The following SPRY3 variants were observed in gnomAD, a reference collection of about 807,000 sequenced individuals.
SPRY3 encodes the protein protein sprouty homolog 3.
SPRY3 carries 15 observed loss-of-function variants against 20.2 expected under a neutral mutation model. That is an observed-to-expected ratio of 0.74 (90% CI 0.50 to 1.14). SPRY3 has a LOEUF of 1.14. Ranked by LOEUF, SPRY3 falls within the 50% of genes most tolerant of loss-of-function variation. The pLI, the probability that SPRY3 is intolerant of heterozygous loss-of-function variation, is 0.00. For missense variants in SPRY3, 364 were observed against 363.9 expected (o/e 1.00, Z 0.00); for synonymous variants, 143 against 136.5 (o/e 1.05, Z -0.33).
chrX:155,710,226 G>T (rs961502524), intron 2 of SPRY3, among the ~76,000 whole-genome samples: 5 of 151,648 alleles, frequency 3.3e-5, no homozygotes, highest in African/African-American at 1.2e-4. Context: ...GATACGGATT[G>T]CATTGAATCT....
At chrX:155,621,932 T>C (rs1292265923) in intron 1 of SPRY3, among the ~76,000 whole-genome samples, 2 of 111,808 alleles carry the variant, frequency 1.8e-5, no homozygotes, top group East Asian at 5.7e-4. Context: ...TTCCCTGCCC[T>C]GCTTTTACTA....
intron 2 of SPRY3, among the ~76,000 whole-genome samples, chrX:155,661,725 A>AT (rs1329638987): frequency 1.5e-4 from 17 of 111,165 alleles, no homozygotes; most frequent in Non-Finnish European, 3.0e-4. Context: ...GGCTTTCTTC[A>AT]TTTTTTTAAA....
intron 2 of SPRY3, among the ~76,000 whole-genome samples, chrX:155,696,234 C>CACAT (rs1557356105): frequency 6.0e-5 from 6 of 99,179 alleles, no homozygotes; most frequent in South Asian, 9.1e-4. Context: ...CACACACACA[C>CACAT]ATATATATAT....
chrX:155,679,264 T>C (rs1006439923), intron 2 of SPRY3, among the ~76,000 whole-genome samples: 1 of 111,061 alleles, frequency 9.0e-6, no homozygotes, highest in Non-Finnish European at 1.9e-5. Flanking sequence ...AGAATAAGAC[T>C]GTCAATCTAT....
intron 2 of SPRY3, among the ~76,000 whole-genome samples, chrX:155,758,816 A>G (rs946980636): frequency 2.0e-5 from 3 of 152,338 alleles, no homozygotes; most frequent in Middle Eastern, 3.4e-3. Flanking sequence ...ATATTGGACT[A>G]TCACATAAAG....
At chrX:155,760,376 C>A (rs2091299316) in intron 2 of SPRY3, among the ~76,000 whole-genome samples, 1 of 152,120 alleles carries the variant, frequency 6.6e-6, no homozygotes. Context: ...ATTGGCTTAG[C>A]TTTGGAATTG....
chrX:155,662,271 A>G (rs1404430094), intron 2 of SPRY3, among the ~76,000 whole-genome samples: 1 of 110,064 alleles, frequency 9.1e-6, no homozygotes, highest in Non-Finnish European at 1.9e-5. Flanking sequence ...TCATTTGGCA[A>G]TTTTTCTGAG....
At chrX:155,672,429 G>A (rs781922713) in intron 2 of SPRY3, among the ~76,000 whole-genome samples, 2 of 111,182 alleles carry the variant, frequency 1.8e-5, no homozygotes, top group Non-Finnish European at 3.8e-5. Context: ...TTTCTCAAAA[G>A]AAGACATTTA....
At chrX:155,707,109 A>G (rs1348044918) in intron 2 of SPRY3, among the ~76,000 whole-genome samples, 2 of 150,906 alleles carry the variant, frequency 1.3e-5, no homozygotes, top group African/African-American at 2.4e-5. Context: ...ATGTTTCTTC[A>G]TTATGATAAA....
downstream of SPRY3, chrX:155,781,314 C>T (rs1392126577): frequency 1.2e-5 from 2 of 166,940 alleles, no homozygotes; most frequent in Non-Finnish European, 2.9e-5. Context: ...TTGGTTTTTT[C>T]TGAGTCAAAG....
chrX:155,698,922 TG>T (rs1378544052), intron 2 of SPRY3, among the ~76,000 whole-genome samples: 1 of 111,745 alleles, frequency 8.9e-6, no homozygotes, highest in Non-Finnish European at 1.9e-5. Context: ...ACCTAATAAG[TG>T]GTATCCACAT....
chrX:155,774,674 CTG>C lies in SPRY3; in HGVS notation c.808_809del (p.Cys270GlnfsTer7), dbSNP rs777476913. On this transcript the variant is annotated frameshift_variant, in exon 4 of 4. Transcript: ENST00000675360. LOFTEE classifies it high-confidence loss of function. ...TGCCGCTGCAAGAGGCACACCAACACTGTGTGCAGAAAGATCTCTTCTGGTAG... is the reference window on the plus strand; with the variant it reads ...TGCCGCTGCAAGAGGCACACCAACACTGTGCAGAAAGATCTCTTCTGGTAG... 1.7e-5 allele frequency: 27 copies of C among 1,613,828 alleles called. No individual in the cohort carries two copies. The highest frequency in any genetic ancestry group is 2.1e-5 in the Non-Finnish European group (25 of 1,179,816).
intron 2 of SPRY3, among the ~76,000 whole-genome samples, chrX:155,757,942 C>G (rs2091289582): frequency 6.6e-6 from 1 of 152,188 alleles, no homozygotes; most frequent in African/African-American, 2.4e-5. Flanking sequence ...TTCATCCACA[C>G]AGTCCCTACA....
At chrX:155,613,794 G>A (rs1350803251) in intron 1 of SPRY3, among the ~76,000 whole-genome samples, 1 of 110,613 alleles carries the variant, frequency 9.0e-6, no homozygotes, top group African/African-American at 3.3e-5. Context: ...TCCCAGATAA[G>A]TTTGTATATT....
chrX:155,656,891 C>T (rs1183577047), exon 2 of SPRY3, among the ~76,000 whole-genome samples: 2 of 111,522 alleles, frequency 1.8e-5, no homozygotes, highest in Non-Finnish European at 3.8e-5. Flanking sequence ...CCTGGAGGTC[C>T]ACTCCATACC....
rs150009623 is a variant in SPRY3 at position 155,644,737 on chromosome X, G to A, written c.-440-12130G>A. ...CACCTTAGATTCACCCTTCAGGAAT[G>A]TGGGCTCCCCTCTGGCCCAGGGCAG... On this transcript the variant is annotated intron_variant, in intron 1 of 3. Transcript: ENST00000675360. 3.0e-3 allele frequency among the ~76,000 whole-genome samples: 326 copies of A among 110,431 alleles called. 1 individual carries two copies. Among genetic ancestry groups the A allele is most frequent in the African/African-American group, 0.01 (308 of 30,355 alleles).
chrX:155,718,983 AG>A (rs2091038958), intron 2 of SPRY3, among the ~76,000 whole-genome samples: 1 of 152,198 alleles, frequency 6.6e-6, no homozygotes, highest in South Asian at 2.1e-4. Context: ...ACACAGAAAA[AG>A]CACCTTCATA....
At chrX:155,733,949 C>T (rs777908308) in intron 2 of SPRY3, among the ~76,000 whole-genome samples, 1 of 152,194 alleles carries the variant, frequency 6.6e-6, no homozygotes, top group African/African-American at 2.4e-5. Flanking sequence ...GAGTAAAGGC[C>T]TTGCTCTGGA....
chrX:155,763,402 T>C (rs1404219687), intron 2 of SPRY3, among the ~76,000 whole-genome samples: 1 of 152,168 alleles, frequency 6.6e-6, no homozygotes, highest in Non-Finnish European at 1.5e-5. Flanking sequence ...ATCTTCTGTT[T>C]AGATTACTCC....
Sources: allele counts gnomAD v4.1 joint callset (sites outside exome capture counted in the v4.1 genomes callset), GRCh38; gene constraint gnomAD v4.1.1; transcripts MANE v1.5; gene names NCBI Gene and HGNC (gene_info 2026-07-23, HGNC 2026-07-21).